The following MAD1L1 variants were observed in gnomAD, a reference collection of about 807,000 sequenced individuals.
MAD1L1 encodes the protein mitotic arrest deficient 1 like 1.
In MAD1L1, 95 loss-of-function variants were observed where a neutral mutation model predicts 96.9. The ratio of observed to expected loss-of-function variants is 0.98; its 90% confidence interval spans 0.83 to 1.16. The LOEUF (loss-of-function observed/expected upper bound fraction) is 1.16. Ranked by LOEUF, MAD1L1 falls within the 50% of genes most tolerant of loss-of-function variation. The probability of loss-of-function intolerance (pLI) is 0.00; values close to 1 mark genes in which losing one functional copy is unlikely to be tolerated. For missense variants in MAD1L1, 1,007 were observed against 954.4 expected, an observed-to-expected ratio of 1.06 and a Z score of -0.73; for synonymous variants, 473 against 396.6, an observed-to-expected ratio of 1.19 and a Z score of -2.29.
At chr7:2,073,488 A>T (rs1249742569) in intron 11 of MAD1L1, among the ~76,000 whole-genome samples, 2 of 152,072 alleles carry the variant, frequency 1.3e-5, no homozygotes, top group Non-Finnish European at 2.9e-5. Context: ...AGAGCCTGGG[A>T]TCTGTACTGA....
chr7:1,826,907 CG>C (rs1782422401), intron 18 of MAD1L1, among the ~76,000 whole-genome samples: 1 of 152,124 alleles, frequency 6.6e-6, no homozygotes, highest in Non-Finnish European at 1.5e-5. Context: ...GAGTGACTGG[CG>C]GGGCGGGCAA....
intron 10 of MAD1L1, among the ~76,000 whole-genome samples, chr7:2,165,373 G>A (rs1190156686): frequency 6.6e-6 from 1 of 152,188 alleles, no homozygotes; most frequent in African/African-American, 2.4e-5. Flanking sequence ...TGTTCCACTT[G>A]TCATGACTCA....
At chr7:2,105,882 C>G (rs868447034) in intron 11 of MAD1L1, among the ~76,000 whole-genome samples, 5 of 152,096 alleles carry the variant, frequency 3.3e-5, no homozygotes, top group African/African-American at 7.2e-5. Flanking sequence ...CCCATCGTCA[C>G]AGATGCCACC....
chr7:1,985,839 T>C (rs953952796), intron 14 of MAD1L1, among the ~76,000 whole-genome samples: 1 of 152,082 alleles, frequency 6.6e-6, no homozygotes, highest in Non-Finnish European at 1.5e-5. Context: ...TCCTGTCTCA[T>C]GCAACCCCCG....
chr7:2,205,437 T>C (rs560024845), intron 10 of MAD1L1, among the ~76,000 whole-genome samples: 50 of 152,136 alleles, frequency 3.3e-4, no homozygotes, highest in Non-Finnish European at 6.0e-4. Flanking sequence ...TTTCAGCAGA[T>C]CAAGAGATGC....
intron 11 of MAD1L1, among the ~76,000 whole-genome samples, chr7:2,091,367 C>T (rs1786203800): frequency 6.6e-6 from 1 of 152,232 alleles, no homozygotes; most frequent in African/African-American, 2.4e-5. Context: ...GCCCTGCATA[C>T]ACAGACGCAT....
chr7:1,869,362 A>G (rs1022423255), intron 18 of MAD1L1, among the ~76,000 whole-genome samples: 1 of 151,962 alleles, frequency 6.6e-6, no homozygotes, highest in Admixed American at 6.6e-5. Flanking sequence ...CCTGAACTCC[A>G]CCTTATAGGC....
At chr7:2,113,603 G>C (rs919763107) in intron 11 of MAD1L1, among the ~76,000 whole-genome samples, 42 of 152,134 alleles carry the variant, frequency 2.8e-4, no homozygotes, top group African/African-American at 9.4e-4. Flanking sequence ...AAAATAAATA[G>C]GATATTTGCA....
chr7:1,939,249 G>C (rs1357453951), intron 16 of MAD1L1, among the ~76,000 whole-genome samples: 1 of 148,986 alleles, frequency 6.7e-6, no homozygotes, highest in East Asian at 2.0e-4. Context: ...ACACGGGCCA[G>C]GGCCGGGACC....
chr7:1,987,254 G>A (rs1374101893), intron 14 of MAD1L1, among the ~76,000 whole-genome samples: 4 of 152,216 alleles, frequency 2.6e-5, no homozygotes, highest in South Asian at 2.1e-4. Context: ...TGGATGGGAC[G>A]TTCCCTGGAG....
chr7:2,145,210 C>T (rs1789236340), intron 11 of MAD1L1, among the ~76,000 whole-genome samples: 1 of 152,162 alleles, frequency 6.6e-6, no homozygotes, highest in South Asian at 2.1e-4. Flanking sequence ...CCAACGTCAT[C>T]CCGCTGAATC....
intron 11 of MAD1L1, among the ~76,000 whole-genome samples, chr7:2,101,960 G>A (rs1786801181): frequency 6.6e-6 from 1 of 152,164 alleles, no homozygotes; most frequent in African/African-American, 2.4e-5. Context: ...CTGACTGGAG[G>A]TCTGAATCTG....
intron 10 of MAD1L1, among the ~76,000 whole-genome samples, chr7:2,192,479 C>A (rs986257909): frequency 6.6e-6 from 1 of 152,128 alleles, no homozygotes; most frequent in Non-Finnish European, 1.5e-5. Flanking sequence ...CAGCTATGAT[C>A]GTGCATGCTC....
intron 11 of MAD1L1, among the ~76,000 whole-genome samples, chr7:2,069,641 A>G (rs1450061237): frequency 1.3e-5 from 2 of 152,218 alleles, no homozygotes; most frequent in Non-Finnish European, 2.9e-5. Flanking sequence ...CTTCTGAATG[A>G]GCGAGATTGC....
intron 11 of MAD1L1, among the ~76,000 whole-genome samples, chr7:2,091,433 T>C (rs1786207320): frequency 6.6e-6 from 1 of 152,238 alleles, no homozygotes; most frequent in African/African-American, 2.4e-5. Flanking sequence ...CAGGAGTTCA[T>C]GCTGATGTCT....
chr7:1,909,335 A>C (rs1787868809), intron 17 of MAD1L1, among the ~76,000 whole-genome samples: 1 of 152,174 alleles, frequency 6.6e-6, no homozygotes, highest in Non-Finnish European at 1.5e-5. Context: ...CCCAATGCCG[A>C]GCCAGGCTTC....
At chr7:2,189,408 T>C (rs1051052668) in intron 10 of MAD1L1, among the ~76,000 whole-genome samples, 1 of 152,198 alleles carries the variant, frequency 6.6e-6, no homozygotes, top group African/African-American at 2.4e-5. Context: ...CATCAACAGG[T>C]GACTGGATAA....
intron 10 of MAD1L1, among the ~76,000 whole-genome samples, chr7:2,179,987 A>T (rs2128600350): frequency 1.3e-5 from 2 of 151,814 alleles, no homozygotes; most frequent in Admixed American, 1.3e-4. Context: ...AAAAAAGAAA[A>T]GAAAAGAAAG....
rs776471145 is a variant in MAD1L1 at position 1,898,309 on chromosome 7, C to A, written c.1889G>T (p.Arg630Leu). 3.1e-6 allele frequency: 5 copies of A among 1,613,972 alleles called. No individual in the cohort carries two copies. Among genetic ancestry groups the A allele is most frequent in the Non-Finnish European group, 4.2e-6 (5 of 1,179,962 alleles). ...EVFQTKIQEF[R>L]KACYTLTGYQ... ...GCCGGTGAGCGTGTAGCAGGCCTTGCGGAACTCCTGGATCTTGGTCTGGAA... is the reference window on the plus strand; with the variant it reads ...GCCGGTGAGCGTGTAGCAGGCCTTGAGGAACTCCTGGATCTTGGTCTGGAA... The change falls in exon 18 of 19, where the codon CGC (arginine) becomes CTC (leucine). Residue 630 changes from arginine (R) to leucine (L), a missense_variant. Transcript: ENST00000265854.
Sources: gnomAD v4.1 joint callset for allele counts (sites outside exome capture counted in the v4.1 genomes callset) on GRCh38, gnomAD v4.1.1 for gene constraint, MANE v1.5 for transcripts, NCBI Gene and HGNC (gene_info 2026-07-23, HGNC 2026-07-21) for gene names.